Variants in GDE1 observed in about 807,000 individuals in gnomAD.
The protein encoded by GDE1 is RGS16-interacting membrane protein.
In GDE1, 24 loss-of-function variants were observed where a neutral mutation model predicts 32.2. That is an observed-to-expected ratio of 0.75 (90% CI 0.54 to 1.05). The LOEUF (loss-of-function observed/expected upper bound fraction) is 1.05. Among genes scored for constraint, GDE1 ranks in the 50% least tolerant of loss-of-function variants. The pLI, the probability that GDE1 is intolerant of heterozygous loss-of-function variation, is 0.00. For synonymous variants in GDE1, 159 were observed against 158.6 expected, an observed-to-expected ratio of 1.00 and a Z score of -0.02; for missense variants, 380 against 415.0, an observed-to-expected ratio of 0.92 and a Z score of 0.73.
At chr16:19,511,150 T>C (rs1031613949) in intron 2 of GDE1, among the ~76,000 whole-genome samples, 1 of 151,510 alleles carries the variant, frequency 6.6e-6, no homozygotes, top group Non-Finnish European at 1.5e-5. Context: ...TTGCCCAGCC[T>C]GGAGTGCAGT....
chr16:19,513,353 A>T (rs868854829), intron 2 of GDE1, among the ~76,000 whole-genome samples: 146 of 147,062 alleles, frequency 9.9e-4, no homozygotes, highest in African/African-American at 2.7e-3. Context: ...GTATTTTGTT[A>T]TTTTTTTTTT....
chr16:19,508,356 C>T (rs1414164021), intron 3 of GDE1, among the ~76,000 whole-genome samples: 4 of 152,050 alleles, frequency 2.6e-5, no homozygotes, highest in Admixed American at 6.6e-5. Context: ...AGTCTAGCTA[C>T]GAAATGAAGA....
Position 19,520,398 on chromosome 16 carries a change from TAAAAAAAAAGAA to T in GDE1, c.261+1294_261+1305del, listed in dbSNP as rs749490164. On this transcript the variant is annotated intron_variant, in intron 1 of 5. Coordinates refer to ENST00000353258, the MANE Select transcript of GDE1 (RefSeq NM_016641.4). ...GCCTGGGAGACAGTGAGACTTCGTT[TAAAAAAAAAGAA>T]AAAAAAAAAGAAAAAAAAAGGAAAT... is the stretch of plus-strand genomic sequence containing the variant. 4.8e-4 allele frequency among the ~76,000 whole-genome samples: 62 copies of T among 129,212 alleles called. No individual in the cohort carries two copies. The East Asian group carries it at 5.0e-3, about 11-fold the overall frequency. The allele number at this position is 129,212 out of a possible 152,430, so 84.8% of individuals were successfully genotyped here.
At chr16:19,520,268 G>A (rs1969432850) in intron 1 of GDE1, among the ~76,000 whole-genome samples, 1 of 152,006 alleles carries the variant, frequency 6.6e-6, no homozygotes, top group Admixed American at 6.5e-5. Flanking sequence ...CGGGCACGGT[G>A]GCTCATGCCT....
Position 19,517,025 on chromosome 16 carries a change from G to A in GDE1, c.426C>T (p.Asn142=). The change falls in exon 2 of 6, where the codon AAC becomes AAT. Residue 142 remains asparagine (N), a synonymous_variant. Coordinates refer to ENST00000353258, the MANE Select transcript of GDE1 (RefSeq NM_016641.4). The part of the protein sequence containing the change: ...EQIRKLNPAA[N]HRLRNDFPDE... ...AATAAACTACTTACCTGAGTCTGTG[G>A]TTTGCTGCAGGATTCAGCTTCCTAA... The A allele has an allele frequency of 6.2e-7, 1 of 1,613,994 alleles. No homozygotes were observed.
At position 19,502,937 on chromosome 16, in the gene GDE1, A is replaced by G. The variant is rs1969196934; in HGVS notation, c.*533T>C. ...GTACACTGAAGCCTCACTGGATTGCATGGTGGCTTCCCCAAATTCCGTATG... is the reference window on the plus strand; with the variant it reads ...GTACACTGAAGCCTCACTGGATTGCGTGGTGGCTTCCCCAAATTCCGTATG... On this transcript the variant is annotated 3_prime_UTR_variant, in exon 6 of 6. Coordinates refer to ENST00000353258, the MANE Select transcript of GDE1 (RefSeq NM_016641.4). 6.6e-6 allele frequency: 1 copy of G among 152,572 alleles called. No homozygotes were observed. Among genetic ancestry groups the G allele is most frequent in the African/African-American group, 2.4e-5 (1 of 41,446 alleles). The allele number at this position is 152,572 out of a possible 1,614,324, so 9.5% of individuals were successfully genotyped here.
Position 19,503,519 on chromosome 16 carries a change from G to A in GDE1, c.947C>T (p.Ser316Phe). 6.2e-7 allele frequency: 1 copy of A among 1,613,618 alleles called. No individual in the cohort carries two copies. Among genetic ancestry groups the A allele is most frequent in the Non-Finnish European group, 8.5e-7 (1 of 1,179,604 alleles). Reference protein sequence around the residue: ...EKSYYESHLGSSYITDSMVED... With the variant: ...EKSYYESHLGFSYITDSMVED... ...TACCATGCTGTCAGTGATATAGCTG[G>A]AACCAAGATGGGATTCGTAGTAACT... Residue 316 changes from serine (S) to phenylalanine (F), a missense_variant, in exon 6 of 6, where the codon TCC (serine) becomes TTC (phenylalanine). By Grantham distance (155) the Ser-to-Phe change is radical (BLOSUM62 -2). Transcript: ENST00000353258.
chr16:19,515,579 T>C (rs559547687), intron 2 of GDE1, among the ~76,000 whole-genome samples: 1 of 152,332 alleles, frequency 6.6e-6, no homozygotes, highest in African/African-American at 2.4e-5. Context: ...GTCATTATAA[T>C]ATTCAAACCA....
rs1393291408 is a variant in GDE1, at chr16:19,505,164, C to T, written c.637-72G>A. On this transcript the variant is annotated intron_variant, in intron 4 of 5. Transcript: ENST00000353258. ...GAATACTTATTAGTTTAGATTTAGC[C>T]AATGTGCTCAATCAGATGAGGTGGT... The T allele has an allele frequency of 5.9e-6, 6 of 1,023,522 alleles. No individual in the cohort carries two copies. The East Asian group carries it at 9.5e-5, about 16-fold the overall frequency. 63.4% of individuals were successfully genotyped at this position (1,023,522 alleles called of 1,614,324 possible). A position where few individuals can be genotyped will look rare whatever the true frequency, so the allele number is the denominator to read the frequency against.
At chr16:19,506,332 G>C (rs1322102178) in intron 4 of GDE1, among the ~76,000 whole-genome samples, 4 of 152,162 alleles carry the variant, frequency 2.6e-5, no homozygotes, top group African/African-American at 9.6e-5. Context: ...AACAGAGAGA[G>C]AGAGAGACAG....
At chr16:19,510,466 T>C (rs2074169) in intron 3 of GDE1, among the ~76,000 whole-genome samples, 55,378 of 152,052 alleles carry the variant, frequency 0.36, 11,658 homozygotes, top group East Asian at 0.56. Context: ...CTAGATAAAA[T>C]TGGTCTTGTG....
At chr16:19,516,351 T>C (rs1004939204) in intron 2 of GDE1, among the ~76,000 whole-genome samples, 2 of 152,184 alleles carry the variant, frequency 1.3e-5, no homozygotes, top group African/African-American at 4.8e-5. Context: ...TTTTCTGGGA[T>C]TATATCTAAA....
intron 1 of GDE1, among the ~76,000 whole-genome samples, chr16:19,519,983 A>AAG (rs1216945789): frequency 3.3e-5 from 5 of 151,714 alleles, no homozygotes; most frequent in Non-Finnish European, 7.4e-5. Flanking sequence ...CTGCACTCAA[A>AAG]CCTGGGTGAC....
intron 1 of GDE1, among the ~76,000 whole-genome samples, chr16:19,519,769 C>T (rs969809835): frequency 1.3e-5 from 2 of 152,080 alleles, no homozygotes; most frequent in Non-Finnish European, 2.9e-5. Context: ...CTCTGTAATC[C>T]ACTGAGGCAG....
rs1344944305 is a variant in GDE1, at chr16:19,501,831, T to C, written c.*1639A>G. ...CTGTCACAAAAAAGTTTGCTTCTCA[T>C]TGTCACATAGCTATGGGGACTGGTG... On this transcript the variant is annotated 3_prime_UTR_variant, in exon 6 of 6. Coordinates refer to ENST00000353258, the MANE Select transcript of GDE1 (RefSeq NM_016641.4). 2 of 152,174 alleles carry C rather than the reference T, an allele frequency of 1.3e-5. No individual in the cohort carries two copies. Among genetic ancestry groups the C allele is most frequent in the Middle Eastern group, 3.2e-3 (1 of 316 alleles). The allele number at this position is 152,174 out of a possible 1,614,324, so 9.4% of individuals were successfully genotyped here. A position where few individuals can be genotyped will look rare whatever the true frequency, so the allele number is the denominator to read the frequency against.
chr16:19,503,852 A>C (rs2151444030), intron 5 of GDE1: 40 of 396,158 alleles, frequency 1.0e-4, no homozygotes, highest in Non-Finnish European at 1.1e-4. Flanking sequence ...CCACCCCCAA[A>C]TGTCCTTGGC....
intron 3 of GDE1, 140 bp from the exon 4 acceptor site, chr16:19,507,919 TAG>T: frequency 3.5e-6 from 2 of 578,634 alleles, no homozygotes; most frequent in Non-Finnish European, 3.1e-6. Flanking sequence ...AAAGTATTGG[TAG>T]AGTCTATTAT....
In GDE1 at chr16:19,521,710, A is replaced by C. The variant is rs768972402; in HGVS notation, c.255T>G (p.Ile85Met). The change falls in exon 1 of 6, where the codon ATT becomes ATG. Residue 85 changes from isoleucine (I) to methionine (M), a missense_variant. Coordinates refer to ENST00000353258, the MANE Select transcript of GDE1 (RefSeq NM_016641.4). ...GCGAACGTGGGGGTCTCACCTGCCGAATGGCCGCCAGCGTGTTCTCGGGCG... is the reference window on the plus strand; with the variant it reads ...GCGAACGTGGGGGTCTCACCTGCCGCATGGCCGCCAGCGTGTTCTCGGGCG... ...HDAPENTLAA[I>M]RQAAKNGATG... 5 of 1,611,680 alleles carry C rather than the reference A, an allele frequency of 3.1e-6. No homozygotes were observed. Among genetic ancestry groups the C allele is most frequent in the Non-Finnish European group, 4.2e-6 (5 of 1,179,354 alleles).
At position 19,517,000 on chromosome 16, in the gene GDE1, A is replaced by C. The variant is rs951878833; in HGVS notation, c.437+14T>G. 6.2e-7 allele frequency: 1 copy of C among 1,611,248 alleles called. No homozygotes were observed. On this transcript the variant is annotated intron_variant, in intron 2 of 5. Transcript: ENST00000353258. ...AAGCTAAAAGATCTGTTTAAGTGAC[A>C]ATAAACTACTTACCTGAGTCTGTGG...
Sources: allele counts gnomAD v4.1 joint callset (sites outside exome capture counted in the v4.1 genomes callset), GRCh38; gene constraint gnomAD v4.1.1; transcripts MANE v1.5; gene names NCBI Gene and HGNC (gene_info 2026-07-23, HGNC 2026-07-21).